The following ERCC6L2 variants were observed in gnomAD, a reference collection of about 807,000 sequenced individuals.
ERCC6L2 encodes the protein DNA excision repair protein ERCC-6-like 2.
Under a neutral mutation model 132.0 loss-of-function variants are expected in ERCC6L2, and 77 were observed. The observed-to-expected ratio is 0.58, with a 90% CI of 0.49 to 0.71. The LOEUF (loss-of-function observed/expected upper bound fraction) is 0.71, where lower values mean the gene tolerates loss of function less well. Ranked by LOEUF, ERCC6L2 falls within the 30% of genes least tolerant of loss-of-function variation. The pLI is 0.00. For missense variants in ERCC6L2, 1,542 were observed against 1,837.6 expected (o/e 0.84, Z 2.94); for synonymous variants, 583 against 632.4 (o/e 0.92, Z 1.17).
rs376456436 is a variant in ERCC6L2 at position 95,978,228 on chromosome 9, T to G, written c.3492+13T>G. The G allele has an allele frequency of 3.7e-6, 5 of 1,348,980 alleles. No individual in the cohort carries two copies. The highest frequency in any genetic ancestry group is 4.9e-6 in the Non-Finnish European group (5 of 1,013,046). The allele number at this position is 1,348,980 out of a possible 1,614,324, so 83.6% of individuals were successfully genotyped here. A position where few individuals can be genotyped will look rare whatever the true frequency, so the allele number is the denominator to read the frequency against. On this transcript the variant is annotated intron_variant, in intron 17 of 18. Coordinates refer to ENST00000653738, the MANE Select transcript of ERCC6L2 (RefSeq NM_020207.7). ...TTGCAGTTCTAAGGTAAGAAAAATA[T>G]AGGGTAGTATCATCTTTAGTTACCT... is the stretch of plus-strand genomic sequence containing the variant.
intron 17 of ERCC6L2, among the ~76,000 whole-genome samples, chr9:95,998,484 G>T (rs1267690646): frequency 6.6e-6 from 1 of 152,190 alleles, no homozygotes; most frequent in South Asian, 2.1e-4. Context: ...CACTTTGCTC[G>T]TGGATTATCT....
In ERCC6L2 at chr9:96,016,568, C is replaced by A. The variant is rs773632521; in HGVS notation, c.*3365C>A. Among the ~76,000 whole-genome samples, 16 of 152,176 alleles carry A rather than the reference C, an allele frequency of 1.1e-4. No individual in the cohort carries two copies. Among genetic ancestry groups the A allele is most frequent in the Non-Finnish European group, 1.8e-4 (12 of 68,040 alleles). On this transcript the variant is annotated 3_prime_UTR_variant, in exon 19 of 19. Transcript: ENST00000653738. ...AAATAAATAACATCTGCAAATGGTG[C>A]AGCTGCCCCTAAGTATTCAAGGCAA...
At chr9:95,942,265 G>A (rs1056424298) in intron 12 of ERCC6L2, among the ~76,000 whole-genome samples, 7 of 152,090 alleles carry the variant, frequency 4.6e-5, no homozygotes, top group Admixed American at 6.6e-5. Flanking sequence ...AACACAGACC[G>A]GCTTTCCAGT....
intron 17 of ERCC6L2, among the ~76,000 whole-genome samples, chr9:96,000,576 G>T (rs1209652331): frequency 6.6e-6 from 1 of 152,124 alleles, no homozygotes; most frequent in South Asian, 2.1e-4. Context: ...AATATTTGTG[G>T]AATTAAAAGT....
chr9:95,897,195 G>A (rs895113981), intron 2 of ERCC6L2, among the ~76,000 whole-genome samples: 5 of 152,122 alleles, frequency 3.3e-5, no homozygotes, highest in African/African-American at 9.7e-5. Context: ...TATTCAGAGA[G>A]GTTAACGCCC....
chr9:95,972,291 A>G lies in ERCC6L2; in HGVS notation c.2540A>G (p.Lys847Arg), dbSNP rs1832451872. ...AATCAGGACTCTCTTGGTACTTCAA[A>G]ACATCAGAAATTAGATAACATCCTA... ...EKNQDSLGTS[K>R]HQKLDNILNP... The change falls in exon 16 of 19, where the codon AAA (lysine) becomes AGA (arginine). Residue 847 changes from lysine to arginine, a missense_variant. Transcript: ENST00000653738. The G allele has an allele frequency of 7.7e-7, 1 of 1,297,868 alleles. No homozygotes were observed. Among genetic ancestry groups the G allele is most frequent in the Admixed American group, 2.4e-5 (1 of 42,276 alleles). 80.4% of individuals were successfully genotyped at this position (1,297,868 alleles called of 1,614,324 possible).
downstream of ERCC6L2, chr9:96,020,465 A>G: frequency 3.2e-6 from 1 of 314,674 alleles, no homozygotes; most frequent in South Asian, 2.7e-5. Context: ...ATGCCAGCAA[A>G]GGGCAAACCG....
In ERCC6L2 at chr9:96,015,692, A is replaced by T. The variant is rs1340142032; in HGVS notation, c.*2489A>T. 6.6e-6 allele frequency among the ~76,000 whole-genome samples: 1 copy of T among 151,030 alleles called. No individual in the cohort carries two copies. The highest frequency in any genetic ancestry group is 2.0e-4 in the East Asian group (1 of 5,082). On this transcript the variant is annotated 3_prime_UTR_variant, in exon 19 of 19. Coordinates refer to ENST00000653738, the MANE Select transcript of ERCC6L2 (RefSeq NM_020207.7). Reference sequence around the variant, plus strand: ...GTGGTGGGCGCCTGTAGTCCCAGCTACTCGGGAGGCTGAGGCAGGAGAATG... The same window carrying T: ...GTGGTGGGCGCCTGTAGTCCCAGCTTCTCGGGAGGCTGAGGCAGGAGAATG...
At position 96,013,408 on chromosome 9, in the gene ERCC6L2, T is replaced by G. The variant is rs1834102547; in HGVS notation, c.*205T>G. 1 of 343,526 alleles carries G rather than the reference T, an allele frequency of 2.9e-6. No homozygotes were observed. Among genetic ancestry groups the G allele is most frequent in the Admixed American group, 4.6e-5 (1 of 21,648 alleles). 21.3% of individuals were successfully genotyped at this position (343,526 alleles called of 1,614,324 possible). ...TGATCTTTCAAGAATATGATTGTAT[T>G]TATAGTATAAACCTCTGTTATGAAT... is the stretch of plus-strand genomic sequence containing the variant. On this transcript the variant is annotated 3_prime_UTR_variant, in exon 19 of 19. Coordinates refer to ENST00000653738, the MANE Select transcript of ERCC6L2 (RefSeq NM_020207.7).
intron 17 of ERCC6L2, among the ~76,000 whole-genome samples, chr9:95,990,615 GGA>G (rs921787100): frequency 6.6e-6 from 1 of 152,294 alleles, no homozygotes; most frequent in Middle Eastern, 3.4e-3. Flanking sequence ...ACTGCTCATA[GGA>G]GAGAGTGTAC....
Position 95,907,283 on chromosome 9 carries a change from A to G in ERCC6L2, c.788+12A>G, listed in dbSNP as rs1253244498. On this transcript the variant is annotated intron_variant, in intron 4 of 18. Coordinates refer to ENST00000653738, the MANE Select transcript of ERCC6L2 (RefSeq NM_020207.7). ...GATGAACTTAACAGGTAATGGGAAT[A>G]ATAGGAATAGGAATGATTGTATTAA... is the stretch of plus-strand genomic sequence containing the variant. 1 of 1,563,310 alleles carries G rather than the reference A, an allele frequency of 6.4e-7. No homozygotes were observed. Among genetic ancestry groups the G allele is most frequent in the African/African-American group, 1.4e-5 (1 of 73,094 alleles).
In ERCC6L2 at chr9:95,922,319, T is replaced by G; in HGVS notation, c.1314T>G (p.Gly438=). The G allele has an allele frequency of 6.2e-7, 1 of 1,608,594 alleles. No individual in the cohort carries two copies. Among genetic ancestry groups the G allele is most frequent in the Non-Finnish European group, 8.5e-7 (1 of 1,175,434 alleles). ...TCTGGTTACAGACCAATTCTCATGG[T>G]GAAACAGTGAAAACCTTGTATCTCA... The part of the protein sequence containing the change: ...RNCCYKTNSH[G]ETVKTLYLSY... The change falls in exon 8 of 19, where the codon GGT becomes GGG. Residue 438 remains glycine, a synonymous_variant. Coordinates refer to ENST00000653738, the MANE Select transcript of ERCC6L2 (RefSeq NM_020207.7).
intron 2 of ERCC6L2, among the ~76,000 whole-genome samples, chr9:95,887,188 T>A (rs1340179351): frequency 6.6e-6 from 1 of 151,478 alleles, no homozygotes; most frequent in Non-Finnish European, 1.5e-5. Flanking sequence ...TCTAGTCTGG[T>A]AAGTGGGTTG....
chr9:95,972,232 T>C lies in ERCC6L2; in HGVS notation c.2481T>C (p.Leu827=), dbSNP rs1345125542. The C allele has an allele frequency of 7.7e-7, 1 of 1,304,224 alleles. No individual in the cohort carries two copies. The highest frequency in any genetic ancestry group is 1.0e-6 in the Non-Finnish European group (1 of 988,922). 80.8% of individuals were successfully genotyped at this position (1,304,224 alleles called of 1,614,324 possible). A position where few individuals can be genotyped will look rare whatever the true frequency, so the allele number is the denominator to read the frequency against. ...DESSDEQPTC[L]STEAKDAGCE... ...GTTCTGATGAGCAGCCCACATGCCT[T>C]TCAACAGAAGCCAAAGATGCTGGTT... Residue 827 remains leucine (L), a synonymous_variant, in exon 16 of 19, where the codon CTT becomes CTC. Coordinates refer to ENST00000653738, the MANE Select transcript of ERCC6L2 (RefSeq NM_020207.7).
chr9:95,956,744 G>A (rs868501682), intron 13 of ERCC6L2, among the ~76,000 whole-genome samples: 4 of 152,038 alleles, frequency 2.6e-5, no homozygotes, highest in African/African-American at 9.7e-5. Context: ...AGCAGCATGG[G>A]TATAACTGCC....
chr9:95,952,166 T>TAAAAAA (rs57310402), intron 12 of ERCC6L2, among the ~76,000 whole-genome samples: 2 of 57,734 alleles, frequency 3.5e-5, no homozygotes, highest in African/African-American at 2.1e-4. Flanking sequence ...GACTCCATCT[T>TAAAAAA]AAAAAAAAAA....
At chr9:95,880,806 T>G in intron 1 of ERCC6L2, 63 bp from the exon 2 acceptor site, 1 of 1,444,160 alleles carries the variant, frequency 6.9e-7, no homozygotes, top group Non-Finnish European at 9.4e-7. Flanking sequence ...CTCACAGCTG[T>G]GAATAAATGA....
At chr9:96,037,282 C>A (rs934659031) in intron 19 of ERCC6L2, among the ~76,000 whole-genome samples, 3 of 152,170 alleles carry the variant, frequency 2.0e-5, no homozygotes, top group African/African-American at 7.2e-5. Flanking sequence ...GTCAACTGCA[C>A]ACATTGATTG....
chr9:96,030,613 G>A (rs1421353617), intron 19 of ERCC6L2, among the ~76,000 whole-genome samples: 2 of 150,512 alleles, frequency 1.3e-5, no homozygotes, highest in Non-Finnish European at 2.9e-5. Context: ...AAGGCAGGAG[G>A]ATGGTGTGAG....
Sources: allele counts gnomAD v4.1 joint callset (sites outside exome capture counted in the v4.1 genomes callset), GRCh38; gene constraint gnomAD v4.1.1; transcripts MANE v1.5; gene names NCBI Gene and HGNC (gene_info 2026-07-23, HGNC 2026-07-21).